Variants in FOXK2 observed in about 807,000 individuals in gnomAD.
FOXK2 encodes the protein forkhead box K2.
FOXK2 carries 24 observed loss-of-function variants against 53.3 expected under a neutral mutation model. The observed-to-expected ratio is 0.45, with a 90% CI of 0.33 to 0.63. The LOEUF (loss-of-function observed/expected upper bound fraction) is 0.63. Among genes scored for constraint, FOXK2 ranks in the 30% least tolerant of loss-of-function variants. The pLI, the probability that FOXK2 is intolerant of heterozygous loss-of-function variation, is 0.03. For missense variants in FOXK2, 952 were observed against 910.5 expected (o/e 1.05, Z -0.59); for synonymous variants, 505 against 407.1 (o/e 1.24, Z -2.89).
At chr17:82,587,966 A>T (rs945366225) in intron 8 of FOXK2, among the ~76,000 whole-genome samples, 2 of 152,126 alleles carry the variant, frequency 1.3e-5, no homozygotes, top group African/African-American at 4.8e-5. Context: ...GAAGCTACCG[A>T]CTAAAACTGT....
At chr17:82,542,693 G>A (rs947243524) in intron 1 of FOXK2, among the ~76,000 whole-genome samples, 5 of 152,036 alleles carry the variant, frequency 3.3e-5, no homozygotes, top group African/African-American at 9.7e-5. Flanking sequence ...TGCAGAGTGC[G>A]GCCAAAGCAG....
At chr17:82,585,470 G>T (rs981083298) in intron 6 of FOXK2, among the ~76,000 whole-genome samples, 16 of 152,072 alleles carry the variant, frequency 1.1e-4, no homozygotes, top group South Asian at 2.1e-4. Flanking sequence ...GGCTGTAGGC[G>T]CACAGTAACA....
intron 1 of FOXK2, among the ~76,000 whole-genome samples, chr17:82,544,545 G>A (rs1028045898): frequency 6.6e-6 from 1 of 152,144 alleles, no homozygotes; most frequent in Non-Finnish European, 1.5e-5. Flanking sequence ...TCCCAGCACT[G>A]CGTCATCCAA....
intron 8 of FOXK2, chr17:82,596,117 A>G (rs2045307619): frequency 1.6e-5 from 17 of 1,048,918 alleles, no homozygotes; most frequent in Non-Finnish European, 1.8e-5. Flanking sequence ...ACCTGCGGCC[A>G]CAGACTGCGA....
In FOXK2 at chr17:82,557,697, AGAGTGCAGTGGTAT is replaced by A. The variant is rs531575259; in HGVS notation, c.420-5654_420-5641del. Among the ~76,000 whole-genome samples the A allele has an allele frequency of 2.6e-3, 398 of 151,826 alleles. 2 individuals are homozygous for A. The highest frequency in any genetic ancestry group is 9.3e-3 in the African/African-American group (386 of 41,396). The stretch of plus-strand genomic sequence containing the variant: ...GGGATCTTGCTCTGTTGTCCAGGCT[AGAGTGCAGTGGTAT>A]GATCACAGCTCACTGCAGCCTCAAA... On this transcript the variant is annotated intron_variant, in intron 1 of 8. Coordinates refer to ENST00000335255, the MANE Select transcript of FOXK2 (RefSeq NM_004514.4).
chr17:82,558,414 AGCCGGGTCTGGACGAGGACGTTGT>A lies in FOXK2; in HGVS notation c.420-4937_420-4914del, dbSNP rs2044755662. ...AGTGCCCTGTCCGCGGAGAGCACTC[AGCCGGGTCTGGACGAGGACGTTGT>A]GCGTAACTCTACGGAGAAGTACGAG... On this transcript the variant is annotated intron_variant, in intron 1 of 8. Coordinates refer to ENST00000335255, the MANE Select transcript of FOXK2 (RefSeq NM_004514.4). 5.9e-5 allele frequency among the ~76,000 whole-genome samples: 9 copies of A among 152,228 alleles called. No individual in the cohort carries two copies. In the South Asian group the frequency reaches 1.7e-3, roughly 28 times the overall value.
At chr17:82,584,972 C>A (rs1419402736) in intron 6 of FOXK2, among the ~76,000 whole-genome samples, 3 of 152,270 alleles carry the variant, frequency 2.0e-5, no homozygotes, top group African/African-American at 7.2e-5. Flanking sequence ...TGTGTCCAAA[C>A]TGTCTGTTAC....
At chr17:82,546,324 C>T (rs1307499599) in intron 1 of FOXK2, among the ~76,000 whole-genome samples, 1 of 152,014 alleles carries the variant, frequency 6.6e-6, no homozygotes, top group Non-Finnish European at 1.5e-5. Context: ...GCCGTGTTGG[C>T]CAGGCTGGTC....
chr17:82,551,186 G>A (rs147038078), intron 1 of FOXK2, among the ~76,000 whole-genome samples: 4,609 of 151,984 alleles, frequency 0.03, 98 homozygotes, highest in Non-Finnish European at 0.044. Context: ...GCGTGGTGGC[G>A]GGCACCTGTA....
At chr17:82,579,941 C>G (rs1379905786) in intron 4 of FOXK2, among the ~76,000 whole-genome samples, 1 of 134,948 alleles carries the variant, frequency 7.4e-6, no homozygotes, top group Non-Finnish European at 1.6e-5. Flanking sequence ...TGGCCCAGCC[C>G]TCCTCTCCAT....
intron 1 of FOXK2, among the ~76,000 whole-genome samples, chr17:82,533,481 C>T (rs534316467): frequency 6.9e-6 from 1 of 144,870 alleles, no homozygotes; most frequent in African/African-American, 2.6e-5. Flanking sequence ...TGGAGTGAGA[C>T]TTTGTCTCAA....
rs544828112 is a variant in FOXK2, at chr17:82,601,873, G to A, written c.*374G>A. On this transcript the variant is annotated 3_prime_UTR_variant, in exon 9 of 9. Transcript: ENST00000335255. The stretch of plus-strand genomic sequence containing the variant: ...GGACGCGGGGGGAGCCATCCCCGCC[G>A]CCCTCACAGGACCCACCAGGCAGCG... 9.4e-5 allele frequency: 18 copies of A among 192,002 alleles called. No homozygotes were observed. Among genetic ancestry groups the A allele is most frequent in the Non-Finnish European group, 5.4e-5 (5 of 92,088 alleles). 11.9% of individuals were successfully genotyped at this position (192,002 alleles called of 1,614,324 possible). A position where few individuals can be genotyped will look rare whatever the true frequency, so the allele number is the denominator to read the frequency against.
At chr17:82,523,205 A>C (rs2044383677) in intron 1 of FOXK2, among the ~76,000 whole-genome samples, 1 of 152,198 alleles carries the variant, frequency 6.6e-6, no homozygotes, top group Admixed American at 6.6e-5. Flanking sequence ...TCTTGTGGCC[A>C]CCGAGGTGAA....
chr17:82,580,310 T>C (rs2045045132), intron 4 of FOXK2, among the ~76,000 whole-genome samples: 1 of 104,352 alleles, frequency 9.6e-6, no homozygotes, highest in Non-Finnish European at 2.0e-5. Context: ...ATGTCACCCA[T>C]GAAGTAGCTC....
At chr17:82,557,417 C>G (rs1202344297) in intron 1 of FOXK2, among the ~76,000 whole-genome samples, 2 of 152,032 alleles carry the variant, frequency 1.3e-5, no homozygotes, top group African/African-American at 4.8e-5. Context: ...AATCTCAGTT[C>G]ACTGCAACCT....
chr17:82,562,529 G>A (rs1203077912), intron 1 of FOXK2, among the ~76,000 whole-genome samples: 16 of 151,702 alleles, frequency 1.1e-4, no homozygotes, highest in Admixed American at 1.1e-3. Context: ...GCAATGAGCA[G>A]AGATAGCACC....
intron 8 of FOXK2, among the ~76,000 whole-genome samples, chr17:82,591,198 G>T (rs1357737990): frequency 6.6e-6 from 1 of 152,170 alleles, no homozygotes; most frequent in African/African-American, 2.4e-5. Context: ...GGCATGAGCT[G>T]CCAGTGTCTT....
At chr17:82,575,282 A>G (rs2044969236) in intron 4 of FOXK2, among the ~76,000 whole-genome samples, 1 of 152,174 alleles carries the variant, frequency 6.6e-6, no homozygotes, top group South Asian at 2.1e-4. Flanking sequence ...AGCCTAACAA[A>G]CTGGTTTATA....
At chr17:82,572,143 G>A (rs1418134144) in intron 4 of FOXK2, 1 of 322,282 alleles carries the variant, frequency 3.1e-6, no homozygotes, top group Non-Finnish European at 5.6e-6. Context: ...GATTTGTGAA[G>A]TGTGGATTGT....
Sources: allele counts gnomAD v4.1 joint callset (sites outside exome capture counted in the v4.1 genomes callset), GRCh38; gene constraint gnomAD v4.1.1; transcripts MANE v1.5; gene names NCBI Gene and HGNC (gene_info 2026-07-23, HGNC 2026-07-21).